Variants in GOLGA8A observed in about 807,000 individuals in gnomAD.
GOLGA8A encodes the protein golgin A8 family member A.
Under a neutral mutation model 22.1 loss-of-function variants are expected in GOLGA8A, and 3 were observed. That is an observed-to-expected ratio of 0.14 (90% CI 0.06 to 0.35). The LOEUF is 0.35. Among genes scored for constraint, GOLGA8A ranks in the 10% least tolerant of loss-of-function variants. GOLGA8A has a pLI of 1.00. For synonymous variants in GOLGA8A, 7 were observed against 91.7 expected (o/e 0.08, Z 5.28); for missense variants, 16 against 233.2 (o/e 0.07, Z 6.07).
chr15:34,437,129 G>A lies in GOLGA8A; in HGVS notation c.-1212+269C>T, dbSNP rs114486000. On this transcript the variant is annotated intron_variant, in intron 1 of 24. Coordinates refer to ENST00000359187, the MANE Select transcript of GOLGA8A (RefSeq NM_181077.5). The stretch of plus-strand genomic sequence containing the variant: ...CGCCGCGGTGAGCCCCTCCCGGGAT[G>A]CGAAAGCCATCGCCTAGTCCCCGCC... 8.9e-3 allele frequency among the ~76,000 whole-genome samples: 1,303 copies of A among 147,174 alleles called. 101 individuals are homozygous for A. The highest frequency in any genetic ancestry group is 0.03 in the African/African-American group (1,208 of 39,836).
At chr15:34,436,243 T>TCTCA (rs1893503265) in intron 1 of GOLGA8A, among the ~76,000 whole-genome samples, 1 of 149,014 alleles carries the variant, frequency 6.7e-6, no homozygotes, top group Non-Finnish European at 1.5e-5. Context: ...CCTGCAAAGC[T>TCTCA]CTCAGGTCAT....
At chr15:34,386,273 A>T (rs923772826) in intron 12 of GOLGA8A, among the ~76,000 whole-genome samples, 3 of 140,450 alleles carry the variant, frequency 2.1e-5, no homozygotes, top group African/African-American at 8.5e-5. Flanking sequence ...GAGCCCAAAA[A>T]GGAGAGGTGG....
At position 34,433,605 on chromosome 15, in the gene GOLGA8A, A is replaced by C. The variant is rs149658394; in HGVS notation, c.-1123+1778T>G. ...GGAGGATCCAAATGTGAACACAGCT[A>C]GGTTCCAGCTCTGGGACTCGGGAAA... On this transcript the variant is annotated intron_variant, in intron 2 of 24. Transcript: ENST00000359187. Among the ~76,000 whole-genome samples the C allele has an allele frequency of 1.5e-3, 219 of 148,898 alleles. 21 individuals carry two copies. The highest frequency in any genetic ancestry group is 4.8e-3 in the African/African-American group (195 of 40,322).
chr15:34,425,516 T>C (rs2453692), intron 2 of GOLGA8A, among the ~76,000 whole-genome samples: 6,422 of 137,512 alleles, frequency 0.047, 316 homozygotes, highest in Middle Eastern at 0.13. Flanking sequence ...GGTGGTTATA[T>C]ACATTAGGGT....
At chr15:34,436,618 C>G (rs777560298) in intron 1 of GOLGA8A, among the ~76,000 whole-genome samples, 1 of 150,104 alleles carries the variant, frequency 6.7e-6, no homozygotes, top group African/African-American at 2.5e-5. Flanking sequence ...CCCTCCGCGT[C>G]GGCCCGGAGA....
rs548362619 is a variant in GOLGA8A at position 34,421,697 on chromosome 15, G to A, written c.-1123+13686C>T. 1.7e-3 allele frequency among the ~76,000 whole-genome samples: 238 copies of A among 140,380 alleles called. 33 individuals are homozygous for A. The highest frequency in any genetic ancestry group is 3.4e-3 in the South Asian group (13 of 3,774). 92.1% of individuals were successfully genotyped at this position (140,380 alleles called of 152,430 possible). Reference sequence around the variant, plus strand: ...GCCACTTACCCCTTTTTCATCACTCGCAATACAAATTTCAGAACCCATCCC... The same window carrying A: ...GCCACTTACCCCTTTTTCATCACTCACAATACAAATTTCAGAACCCATCCC... On this transcript the variant is annotated intron_variant, in intron 2 of 24. Coordinates refer to ENST00000359187, the MANE Select transcript of GOLGA8A (RefSeq NM_181077.5).
At chr15:34,428,195 G>C (rs943076300) in intron 2 of GOLGA8A, among the ~76,000 whole-genome samples, 3 of 146,788 alleles carry the variant, frequency 2.0e-5, no homozygotes, top group Non-Finnish European at 4.5e-5. Flanking sequence ...CTGGGCTTAA[G>C]CGATCCTCCC....
chr15:34,380,563 T>A lies in GOLGA8A; in HGVS notation c.*848A>T, dbSNP rs190284272. On this transcript the variant is annotated 3_prime_UTR_variant, in exon 25 of 25. Coordinates refer to ENST00000359187, the MANE Select transcript of GOLGA8A (RefSeq NM_181077.5). ...GGTTTTTCACACCCACAGCCAATGA[T>A]GGCAGCCTTTCATTCCTCGGAAATA... 4 of 152,418 alleles carry A rather than the reference T, an allele frequency of 2.6e-5. No individual in the cohort carries two copies. In the East Asian group the frequency reaches 7.7e-4, roughly 29 times the overall value. The allele number at this position is 152,418 out of a possible 1,614,324, so 9.4% of individuals were successfully genotyped here.
chr15:34,433,512 C>T (rs1043210147), intron 2 of GOLGA8A, among the ~76,000 whole-genome samples: 5 of 149,478 alleles, frequency 3.3e-5, no homozygotes, highest in African/African-American at 4.9e-5. Context: ...GTGAAACCGA[C>T]GTTGCACTGT....
rs1369175719 is a variant in GOLGA8A, at chr15:34,431,330, T to C, written c.-1123+4053A>G. 3.4e-5 allele frequency among the ~76,000 whole-genome samples: 3 copies of C among 89,250 alleles called. 1 individual carries two copies. The highest frequency in any genetic ancestry group is 4.6e-5 in the African/African-American group (1 of 21,530). 58.6% of individuals were successfully genotyped at this position (89,250 alleles called of 152,430 possible). On this transcript the variant is annotated intron_variant, in intron 2 of 24. Transcript: ENST00000359187. The stretch of plus-strand genomic sequence containing the variant: ...ATATATACATATATATATATATATA[T>C]ATATATATATATATATCTCACACAC...
At chr15:34,424,342 G>C (rs1892897282) in intron 2 of GOLGA8A, among the ~76,000 whole-genome samples, 1 of 131,160 alleles carries the variant, frequency 7.6e-6, no homozygotes, top group African/African-American at 2.9e-5. Flanking sequence ...GAGTGGACTA[G>C]TATCAAACAC....
In GOLGA8A at chr15:34,380,894, T is replaced by G. The variant is rs570635538; in HGVS notation, c.*517A>C. 4.6e-6 allele frequency: 1 copy of G among 219,542 alleles called. No homozygotes were observed. Among genetic ancestry groups the G allele is most frequent in the South Asian group, 6.2e-5 (1 of 16,026 alleles). The allele number at this position is 219,542 out of a possible 1,614,324, so 13.6% of individuals were successfully genotyped here. A position where few individuals can be genotyped will look rare whatever the true frequency, so the allele number is the denominator to read the frequency against. On this transcript the variant is annotated 3_prime_UTR_variant, in exon 25 of 25. Transcript: ENST00000359187. ...CAGCTCTAAATGTCAGTACTCACAG[T>G]GGCATATTACAAAGTAATAAACAGT...
chr15:34,380,287 T>A lies in GOLGA8A; in HGVS notation c.*1124A>T, dbSNP rs1891417317. ...AACTTCAAGCCTCAAAGAAGCTCCA[T>A]GAACAGAGAGGAATGCCAGGTGTCA... On this transcript the variant is annotated 3_prime_UTR_variant, in exon 25 of 25. Transcript: ENST00000359187. 6.6e-6 allele frequency: 1 copy of A among 152,212 alleles called. No individual in the cohort carries two copies. The highest frequency in any genetic ancestry group is 2.4e-5 in the African/African-American group (1 of 41,452). 9.4% of individuals were successfully genotyped at this position (152,212 alleles called of 1,614,324 possible).
rs188111645 is a variant in GOLGA8A at position 34,426,612 on chromosome 15, T to C, written c.-1123+8771A>G. On this transcript the variant is annotated intron_variant, in intron 2 of 24. Transcript: ENST00000359187. ...AAAGGATCTCAAGATCTATGTTATA[T>C]AGCTCTATCATATGTTAGGCGCCAC... Among the ~76,000 whole-genome samples, 10 of 145,302 alleles carry C rather than the reference T, an allele frequency of 6.9e-5. No homozygotes were observed. In the East Asian group the frequency reaches 1.5e-3, roughly 22 times the overall value.
rs1893618246 is a variant in GOLGA8A at position 34,437,760 on chromosome 15, G to T, written c.-1574C>A. Among the ~76,000 whole-genome samples the T allele has an allele frequency of 6.8e-6, 1 of 147,782 alleles. No homozygotes were observed. The highest frequency in any genetic ancestry group is 2.5e-5 in the African/African-American group (1 of 40,108). On this transcript the variant is annotated 5_prime_UTR_variant, in exon 1 of 25. Coordinates refer to ENST00000359187, the MANE Select transcript of GOLGA8A (RefSeq NM_181077.5). ...CGGGGGCTGAGCTCCCGCAGAGCTC[G>T]CGCCTAGCCGCACACCTCGACTGCT...
At chr15:34,426,084 C>T (rs113372553) in intron 2 of GOLGA8A, among the ~76,000 whole-genome samples, 4 of 147,768 alleles carry the variant, frequency 2.7e-5, no homozygotes, top group Non-Finnish European at 4.5e-5. Context: ...CATTCAGCCC[C>T]GCAAGTCCAC....
rs1288613947 is a variant in GOLGA8A, at chr15:34,423,505, TAAC to T, written c.-1123+11875_-1123+11877del. ...TGTAAAAAGTCTATGATGTGCAAAA[TAAC>T]AAAATCTAACCTAGCAGTAGCCACT... is the stretch of plus-strand genomic sequence containing the variant. On this transcript the variant is annotated intron_variant, in intron 2 of 24. Coordinates refer to ENST00000359187, the MANE Select transcript of GOLGA8A (RefSeq NM_181077.5). 6.1e-5 allele frequency among the ~76,000 whole-genome samples: 9 copies of T among 147,614 alleles called. 1 individual carries two copies. Among genetic ancestry groups the T allele is most frequent in the Non-Finnish European group, 1.1e-4 (7 of 66,616 alleles).
At chr15:34,428,071 G>T (rs1893060097) in intron 2 of GOLGA8A, among the ~76,000 whole-genome samples, 1 of 147,510 alleles carries the variant, frequency 6.8e-6, no homozygotes, top group African/African-American at 2.5e-5. Flanking sequence ...ATCAAATGGA[G>T]CTTTCTCTCC....
intron 2 of GOLGA8A, among the ~76,000 whole-genome samples, chr15:34,431,978 T>C (rs1249816894): frequency 1.3e-5 from 2 of 148,912 alleles, no homozygotes; most frequent in African/African-American, 5.0e-5. Flanking sequence ...AAATCCTAAA[T>C]GTCAATAGTG....
Sources: gnomAD v4.1 joint callset for allele counts (sites outside exome capture counted in the v4.1 genomes callset) on GRCh38, gnomAD v4.1.1 for gene constraint, MANE v1.5 for transcripts, NCBI Gene and HGNC (gene_info 2026-07-23, HGNC 2026-07-21) for gene names.